PAPPA2: variants seen among roughly 807,000 people sequenced by gnomAD.
The protein encoded by PAPPA2 is pappalysin 2.
A neutral mutation model predicts 176.4 loss-of-function variants in PAPPA2; 86 were observed. That is an observed-to-expected ratio of 0.49 (90% CI 0.41 to 0.58). The LOEUF is 0.58. Ranked by LOEUF, PAPPA2 falls within the 20% of genes least tolerant of loss-of-function variation. The pLI, the probability that PAPPA2 is intolerant of heterozygous loss-of-function variation, is 0.00. For missense variants in PAPPA2, 2,073 were observed against 2,256.9 expected (o/e 0.92, Z 1.65); for synonymous variants, 809 against 852.2 (o/e 0.95, Z 0.88).
chr1:176,481,252 G>GCA (rs56206580), intron 1 of PAPPA2, among the ~76,000 whole-genome samples: 26,225 of 139,710 alleles, frequency 0.19, 2,910 homozygotes, highest in Non-Finnish European at 0.25. Context: ...AGATTTTAAA[G>GCA]CACACACACA....
In PAPPA2 at chr1:176,594,612, T is replaced by A; in HGVS notation, c.1008T>A (p.Ala336=). Residue 336 remains alanine, a synonymous_variant, in exon 3 of 23, where the codon GCT becomes GCA. Transcript: ENST00000367662. ...RSGKDKGKRD[A]RFFFSLCTDR... is the part of the protein sequence containing the mutation. ...GGAAGGACAAGGGAAAGCGGGATGC[T>A]CGCTTCTTCTTCTCCCTCTGCACCG... 1.2e-6 allele frequency: 2 copies of A among 1,614,200 alleles called. No homozygotes were observed. Among genetic ancestry groups the A allele is most frequent in the Non-Finnish European group, 1.7e-6 (2 of 1,180,034 alleles).
intron 21 of PAPPA2, among the ~76,000 whole-genome samples, chr1:176,829,413 G>C (rs1463410493): frequency 1.3e-5 from 2 of 152,238 alleles, no homozygotes; most frequent in Non-Finnish European, 2.9e-5. Context: ...CGGGCTCAGG[G>C]AGCCAAGAAA....
intron 1 of PAPPA2, among the ~76,000 whole-genome samples, chr1:176,478,370 C>T (rs914447036): frequency 6.6e-6 from 1 of 152,254 alleles, no homozygotes; most frequent in African/African-American, 2.4e-5. Flanking sequence ...AATTTGGTTC[C>T]TGGCTCTGCT....
At chr1:176,620,035 A>G (rs763259268) in intron 3 of PAPPA2, among the ~76,000 whole-genome samples, 4 of 152,210 alleles carry the variant, frequency 2.6e-5, no homozygotes, top group Admixed American at 6.5e-5. Context: ...TTTATTTGTC[A>G]TAGTTCTAGA....
rs115454485 is a variant in PAPPA2 at position 176,610,636 on chromosome 1, G to A, written c.1991+15041G>A. ...GAATCTGCACATTTCTGGGCAGCAGGTTTTATGAGGAACATCAACAACCTG... is the reference window on the plus strand; with the variant it reads ...GAATCTGCACATTTCTGGGCAGCAGATTTTATGAGGAACATCAACAACCTG... On this transcript the variant is annotated intron_variant, in intron 3 of 22. Coordinates refer to ENST00000367662, the MANE Select transcript of PAPPA2 (RefSeq NM_020318.3). Among the ~76,000 whole-genome samples, 808 of 152,270 alleles carry A rather than the reference G, an allele frequency of 5.3e-3. 9 individuals carry two copies. The highest frequency in any genetic ancestry group is 9.2e-3 in the Non-Finnish European group (626 of 68,020).
intron 7 of PAPPA2, 107 bp downstream of exon 7, chr1:176,695,966 A>ATGTGTGTGTGTGTGTGTGTG (rs67178111): frequency 2.4e-6 from 2 of 816,716 alleles, no homozygotes; most frequent in African/African-American, 1.8e-5. Context: ...ATGTATGTGT[A>ATGTGTGTGTGTGTGTGTGTG]TGTGTGTGTG....
chr1:176,689,315 G>A (rs910230079), intron 4 of PAPPA2, among the ~76,000 whole-genome samples: 1 of 152,164 alleles, frequency 6.6e-6, no homozygotes, highest in African/African-American at 2.4e-5. Context: ...ATACCACTAA[G>A]TCTCTCATCT....
intron 1 of PAPPA2, among the ~76,000 whole-genome samples, chr1:176,465,516 T>C (rs1651578816): frequency 6.6e-6 from 1 of 152,180 alleles, no homozygotes; most frequent in Non-Finnish European, 1.5e-5. Context: ...TATCACCTGT[T>C]TTTTCTTCAA....
chr1:176,669,039 GT>G (rs1658835719), intron 3 of PAPPA2, among the ~76,000 whole-genome samples: 1 of 152,046 alleles, frequency 6.6e-6, no homozygotes, highest in Non-Finnish European at 1.5e-5. Context: ...GGAGGATGGT[GT>G]CCAAGACTGG....
chr1:176,839,232 T>A (rs1357247161), intron 21 of PAPPA2, among the ~76,000 whole-genome samples: 1 of 152,132 alleles, frequency 6.6e-6, no homozygotes, highest in Non-Finnish European at 1.5e-5. Context: ...GCTGGCTGAT[T>A]TACCCTCCAG....
intron 3 of PAPPA2, among the ~76,000 whole-genome samples, chr1:176,659,609 G>A (rs541274854): frequency 6.6e-6 from 1 of 151,986 alleles, no homozygotes. Flanking sequence ...CCCAGTAGGT[G>A]CATTCAAAAA....
At chr1:176,463,493 T>A (rs1651472548) in intron 1 of PAPPA2, 75 bp downstream of exon 1, 1 of 152,306 alleles carries the variant, frequency 6.6e-6, no homozygotes, top group South Asian at 2.1e-4. Context: ...GTTTGCTAAC[T>A]TGGCTTGTGC....
intron 21 of PAPPA2, among the ~76,000 whole-genome samples, chr1:176,819,960 A>AC (rs926192845): frequency 2.6e-5 from 4 of 151,874 alleles, no homozygotes; most frequent in Admixed American, 6.6e-5. Flanking sequence ...CTTCCTAGTA[A>AC]CCCCCCAGCA....
chr1:176,514,998 G>A (rs543622980), intron 1 of PAPPA2, among the ~76,000 whole-genome samples: 10 of 152,268 alleles, frequency 6.6e-5, no homozygotes, highest in Middle Eastern at 3.4e-3. Flanking sequence ...TTGGCCTCTG[G>A]AGTCCAAATA....
chr1:176,736,402 C>A (rs2038876), intron 12 of PAPPA2, among the ~76,000 whole-genome samples: 32,438 of 150,178 alleles, frequency 0.22, 3,955 homozygotes, highest in African/African-American at 0.32. Flanking sequence ...TATTCTCTCT[C>A]TATATATATG....
At chr1:176,669,962 G>A (rs1022114567) in intron 3 of PAPPA2, among the ~76,000 whole-genome samples, 1 of 152,104 alleles carries the variant, frequency 6.6e-6, no homozygotes, top group Admixed American at 6.5e-5. Flanking sequence ...TCCAACCTAT[G>A]TTGCCAGGCT....
chr1:176,711,761 C>G, intron 11 of PAPPA2, 74 bp from the exon 12 acceptor site: 1 of 1,482,794 alleles, frequency 6.7e-7, no homozygotes, highest in Non-Finnish European at 9.3e-7. Context: ...TTGCTTTGAG[C>G]TGGAGAGTTT....
At chr1:176,523,648 T>C (rs1166441896) in intron 1 of PAPPA2, among the ~76,000 whole-genome samples, 1 of 152,248 alleles carries the variant, frequency 6.6e-6, no homozygotes, top group Non-Finnish European at 1.5e-5. Flanking sequence ...ATTAAATTTT[T>C]ATTTTTTTGC....
At chr1:176,534,452 A>G (rs1197839874) in intron 1 of PAPPA2, among the ~76,000 whole-genome samples, 1 of 152,222 alleles carries the variant, frequency 6.6e-6, no homozygotes, top group Non-Finnish European at 1.5e-5. Context: ...TGGAAGAGCA[A>G]TTCTGGCTGC....
Sources: gnomAD v4.1 joint callset for allele counts (sites outside exome capture counted in the v4.1 genomes callset) on GRCh38, gnomAD v4.1.1 for gene constraint, MANE v1.5 for transcripts, NCBI Gene and HGNC (gene_info 2026-07-23, HGNC 2026-07-21) for gene names.